Variants in TMEM168 observed in about 807,000 individuals in gnomAD.
TMEM168 encodes the protein transmembrane protein 168.
TMEM168 carries 40 observed loss-of-function variants against 53.2 expected under a neutral mutation model. That is an observed-to-expected ratio of 0.75 (90% CI 0.58 to 0.98). The LOEUF (loss-of-function observed/expected upper bound fraction) is 0.98. Ranked by LOEUF, TMEM168 falls within the 50% of genes least tolerant of loss-of-function variation. The pLI is 0.00. For synonymous variants in TMEM168, 282 were observed against 293.0 expected (o/e 0.96, Z 0.38); for missense variants, 771 against 828.8 (o/e 0.93, Z 0.86).
chr7:112,768,411 T>A (rs780990675), intron 4 of TMEM168, among the ~76,000 whole-genome samples: 2 of 152,274 alleles, frequency 1.3e-5, no homozygotes, highest in Middle Eastern at 3.4e-3. Context: ...GTATCATTGT[T>A]TCCTTCTCTT....
At chr7:112,767,791 T>C (rs768106456) in intron 4 of TMEM168, 47 bp from the exon 5 acceptor site, 2 of 1,508,186 alleles carry the variant, frequency 1.3e-6, no homozygotes, top group Admixed American at 4.1e-5. Context: ...CTGCAGCCTC[T>C]CATTAAGAAA....
chr7:112,779,072 G>A (rs556839880), intron 2 of TMEM168, among the ~76,000 whole-genome samples: 1 of 151,798 alleles, frequency 6.6e-6, no homozygotes, highest in Admixed American at 6.6e-5. Flanking sequence ...TTTTATTTTT[G>A]TAGAGACAAG....
At chr7:112,786,149 C>T (rs1283255416) in intron 1 of TMEM168, among the ~76,000 whole-genome samples, 1 of 152,096 alleles carries the variant, frequency 6.6e-6, no homozygotes, top group African/African-American at 2.4e-5. Context: ...TTGCAGTGAG[C>T]GGAGATCACG....
rs1792697633 is a variant in TMEM168 at position 112,762,994 on chromosome 7, AT to A, written c.*4202del. ...AGTTGTCACTGATATGCATAGTCAA[AT>A]TCCTTCTTTGTTCATCAGTCAGACT... On this transcript the variant is annotated 3_prime_UTR_variant, in exon 5 of 5. Transcript: ENST00000312814. 1 of 152,000 alleles carries A rather than the reference AT, an allele frequency of 6.6e-6. No homozygotes were observed. The highest frequency in any genetic ancestry group is 1.5e-5 in the Non-Finnish European group (1 of 67,924). 9.4% of individuals were successfully genotyped at this position (152,000 alleles called of 1,614,324 possible). A position where few individuals can be genotyped will look rare whatever the true frequency, so the allele number is the denominator to read the frequency against.
Position 112,772,906 on chromosome 7 carries a change from A to G in TMEM168, c.1421T>C (p.Phe474Ser). Reference protein sequence around the residue: ...GCDYSTSGLSFDTLHSKLKAF... With the variant: ...GCDYSTSGLSSDTLHSKLKAF... ...TTTTAGTTTGGAATGCAGAGTATCA[A>G]ATGACAGTCCACTTGTGGAATAGTC... The change falls in exon 4 of 5, where the codon TTT becomes TCT. Residue 474 changes from phenylalanine to serine, a missense_variant. Coordinates refer to ENST00000312814, the MANE Select transcript of TMEM168 (RefSeq NM_022484.6). 6.2e-7 allele frequency: 1 copy of G among 1,614,086 alleles called. No homozygotes were observed. The highest frequency in any genetic ancestry group is 8.5e-7 in the Non-Finnish European group (1 of 1,179,974).
rs191267850 is a variant in TMEM168 at position 112,789,210 on chromosome 7, C to G, written c.-129+950G>C. On this transcript the variant is annotated intron_variant, in intron 1 of 4. Transcript: ENST00000312814. ...CCAACTCTTCAGGTCTCAGATAAAT[C>G]ATTTTCTTAAGAGATTATCCCTGCC... Among the ~76,000 whole-genome samples, 804 of 152,248 alleles carry G rather than the reference C, an allele frequency of 5.3e-3. 3 individuals are homozygous for G. The highest frequency in any genetic ancestry group is 0.018 in the African/African-American group (743 of 41,526).
At chr7:112,788,336 C>G (rs1793448558) in intron 1 of TMEM168, 1 of 152,102 alleles carries the variant, frequency 6.6e-6, no homozygotes, top group South Asian at 2.1e-4. Flanking sequence ...AAATGAAGCA[C>G]CAGCTCTGTT....
chr7:112,782,097 T>C (rs1041723205), intron 2 of TMEM168, among the ~76,000 whole-genome samples: 1 of 152,114 alleles, frequency 6.6e-6, no homozygotes, highest in African/African-American at 2.4e-5. Flanking sequence ...ACAAAGTAAA[T>C]GGCTAATACA....
At chr7:112,767,886 AAAAT>A in intron 4 of TMEM168, 142 bp from the exon 5 acceptor site, 1 of 648,822 alleles carries the variant, frequency 1.5e-6, no homozygotes, top group Non-Finnish European at 2.5e-6. Flanking sequence ...AATAAGCAAA[AAAAT>A]AAAGTATTTA....
chr7:112,770,360 T>G (rs143085306), intron 4 of TMEM168, among the ~76,000 whole-genome samples: 4 of 152,280 alleles, frequency 2.6e-5, no homozygotes, highest in African/African-American at 9.6e-5. Context: ...GTATGCTTTC[T>G]CTCTCTTTTT....
chr7:112,769,229 CTTT>C (rs1167302528), intron 4 of TMEM168, among the ~76,000 whole-genome samples: 1 of 152,110 alleles, frequency 6.6e-6, no homozygotes, highest in Non-Finnish European at 1.5e-5. Flanking sequence ...TGAAAATAAA[CTTT>C]TTTTATTAAT....
rs528020104 is a variant in TMEM168 at position 112,772,834 on chromosome 7, T to C, written c.1493A>G (p.Tyr498Cys). Reference sequence around the variant, plus strand: ...GGTGTGCCCACTGTAATACAAAATATACGTATCATGTCTGGGTCCATCCAC... The same window carrying C: ...GGTGTGCCCACTGTAATACAAAATACACGTATCATGTCTGGGTCCATCCAC... The part of the protein sequence containing the change: ...RTVDGPRHDT[Y>C]ILYYSGHTHG... Residue 498 changes from tyrosine to cysteine, a missense_variant, in exon 4 of 5, where the codon TAT becomes TGT. By Grantham distance (194) the Tyr-to-Cys change is radical. Coordinates refer to ENST00000312814, the MANE Select transcript of TMEM168 (RefSeq NM_022484.6). 12 of 1,614,046 alleles carry C rather than the reference T, an allele frequency of 7.4e-6. No individual in the cohort carries two copies. Among genetic ancestry groups the C allele is most frequent in the African/African-American group, 1.3e-5 (1 of 75,048 alleles).
chr7:112,769,429 G>C (rs1035664336), intron 4 of TMEM168, among the ~76,000 whole-genome samples: 5 of 152,178 alleles, frequency 3.3e-5, no homozygotes, highest in South Asian at 2.1e-4. Context: ...CAGATTACAA[G>C]AACTATTATG....
At position 112,763,718 on chromosome 7, in the gene TMEM168, G is replaced by C. The variant is rs992454177; in HGVS notation, c.*3479C>G. 6.6e-6 allele frequency: 1 copy of C among 151,954 alleles called. No homozygotes were observed. Among genetic ancestry groups the C allele is most frequent in the African/African-American group, 2.4e-5 (1 of 41,370 alleles). The allele number at this position is 151,954 out of a possible 1,614,324, so 9.4% of individuals were successfully genotyped here. A position where few individuals can be genotyped will look rare whatever the true frequency, so the allele number is the denominator to read the frequency against. On this transcript the variant is annotated 3_prime_UTR_variant, in exon 5 of 5. Coordinates refer to ENST00000312814, the MANE Select transcript of TMEM168 (RefSeq NM_022484.6). ...TATAAATTTGAATACATATAAAAAA[G>C]CAGTACCCAAGAGTAAATATGTTTG...
chr7:112,767,757 G>GA lies in TMEM168; in HGVS notation c.1547-14dup. ...AGTGTATCTCCACCTGTGAACAAGAGAAAATTCAATGGAGCAATAATTTCT... is the reference window on the plus strand; with the variant it reads ...AGTGTATCTCCACCTGTGAACAAGAGAAAAATTCAATGGAGCAATAATTTCT... On this transcript the variant is annotated splice_polypyrimidine_tract_variant and intron_variant, in intron 4 of 4. Transcript: ENST00000312814. The GA allele has an allele frequency of 6.3e-7, 1 of 1,578,412 alleles. No homozygotes were observed. The highest frequency in any genetic ancestry group is 8.6e-7 in the Non-Finnish European group (1 of 1,166,720).
Position 112,772,879 on chromosome 7 carries a change from G to A in TMEM168, c.1448C>T (p.Ala483Val). ...ATCCACTGTCCGAAGTTCGAGGAAA[G>A]CTTTTAGTTTGGAATGCAGAGTATC... ...SFDTLHSKLK[A>V]FLELRTVDGP... Residue 483 changes from alanine to valine, a missense_variant, in exon 4 of 5, where the codon GCT becomes GTT. Coordinates refer to ENST00000312814, the MANE Select transcript of TMEM168 (RefSeq NM_022484.6). 6.2e-7 allele frequency: 1 copy of A among 1,614,080 alleles called. No individual in the cohort carries two copies. Among genetic ancestry groups the A allele is most frequent in the Non-Finnish European group, 8.5e-7 (1 of 1,179,978 alleles).
At chr7:112,787,098 T>C (rs1272469764) in intron 1 of TMEM168, among the ~76,000 whole-genome samples, 2 of 152,230 alleles carry the variant, frequency 1.3e-5, no homozygotes, top group African/African-American at 4.8e-5. Context: ...ATTTTATCCA[T>C]TAGTATTTAA....
intron 2 of TMEM168, among the ~76,000 whole-genome samples, chr7:112,779,267 A>C (rs565196422): frequency 6.6e-6 from 1 of 152,336 alleles, no homozygotes; most frequent in South Asian, 2.1e-4. Context: ...TTGAAAAAGC[A>C]AGCTTAGAAA....
At position 112,784,670 on chromosome 7, in the gene TMEM168, T is replaced by C. The variant is rs770693473; in HGVS notation, c.156A>G (p.Leu52=). 30 of 1,613,766 alleles carry C rather than the reference T, an allele frequency of 1.9e-5. No individual in the cohort carries two copies. The highest frequency in any genetic ancestry group is 1.8e-4 in the South Asian group (16 of 90,912). The part of the protein sequence containing the change: ...INLLVAICLG[L]YVRWEKTANS... ...TTGCTGTTTTTTCCCATCTTACGTA[T>C]AGACCTAAGCATATAGCAACCAATA... The change falls in exon 2 of 5, where the codon CTA becomes CTG. Residue 52 remains leucine (L), a synonymous_variant. Coordinates refer to ENST00000312814, the MANE Select transcript of TMEM168 (RefSeq NM_022484.6).
Sources: gnomAD v4.1 joint callset for allele counts (sites outside exome capture counted in the v4.1 genomes callset) on GRCh38, gnomAD v4.1.1 for gene constraint, MANE v1.5 for transcripts, NCBI Gene and HGNC (gene_info 2026-07-23, HGNC 2026-07-21) for gene names.